RUNDC3B: variants seen among roughly 807,000 people sequenced by gnomAD.
RUNDC3B encodes the protein RUN domain containing 3B.
Under a neutral mutation model 58.4 loss-of-function variants are expected in RUNDC3B, and 33 were observed. The ratio of observed to expected loss-of-function variants is 0.56; its 90% CI spans 0.43 to 0.75. The LOEUF (loss-of-function observed/expected upper bound fraction) is 0.75. Among genes scored for constraint, RUNDC3B ranks in the 30% least tolerant of loss-of-function variants. RUNDC3B has a pLI of 0.00. For missense variants in RUNDC3B, 501 were observed against 535.7 expected (o/e 0.94, Z 0.64); for synonymous variants, 193 against 195.2 (o/e 0.99, Z 0.10).
Position 87,628,890 on chromosome 7 carries a change from A to G in RUNDC3B, c.67A>G (p.Ser23Gly). 54 of 1,302,218 alleles carry G rather than the reference A, an allele frequency of 4.1e-5. No individual in the cohort carries two copies. Among genetic ancestry groups the G allele is most frequent in the Non-Finnish European group, 5.2e-5 (53 of 1,017,874 alleles). 80.7% of individuals were successfully genotyped at this position (1,302,218 alleles called of 1,614,324 possible). ...CGGTGGCGGCGGAGGCGGCAAGAAA[A>G]GCCTGAGCGCCCGCAATGCTGCGGT... The part of the protein sequence containing the change: ...RGGGGGGGKK[S>G]LSARNAAVER... Residue 23 changes from serine (S) to glycine (G), a missense_variant, in exon 1 of 11, where the codon AGC becomes GGC. Ser to Gly is a moderately conservative substitution (Grantham distance 56). Transcript: ENST00000394654.
chr7:87,761,477 C>G (rs1164273119), intron 6 of RUNDC3B, among the ~76,000 whole-genome samples: 2 of 151,910 alleles, frequency 1.3e-5, no homozygotes, highest in African/African-American at 2.4e-5. Context: ...TATCAATTCT[C>G]TTTCCACCCA....
intron 2 of RUNDC3B, among the ~76,000 whole-genome samples, chr7:87,678,568 C>A (rs901265032): frequency 6.6e-6 from 1 of 151,916 alleles, no homozygotes; most frequent in African/African-American, 2.4e-5. Flanking sequence ...AGAAAACAAA[C>A]AATAAAATGG....
chr7:87,756,830 A>G (rs1833401753), intron 6 of RUNDC3B, among the ~76,000 whole-genome samples: 1 of 152,048 alleles, frequency 6.6e-6, no homozygotes, highest in Admixed American at 6.6e-5. Context: ...AATATGTTAT[A>G]TATGTTATGT....
intron 8 of RUNDC3B, among the ~76,000 whole-genome samples, chr7:87,804,791 C>A (rs934729477): frequency 6.6e-6 from 1 of 152,044 alleles, no homozygotes; most frequent in Non-Finnish European, 1.5e-5. Context: ...ATATTTTAAC[C>A]TTTATCACTG....
intron 6 of RUNDC3B, among the ~76,000 whole-genome samples, chr7:87,745,835 C>T (rs1832610562): frequency 6.6e-6 from 1 of 151,876 alleles, no homozygotes; most frequent in Admixed American, 6.6e-5. Context: ...TTTCTTTCTT[C>T]TGCTAGGTCT....
chr7:87,784,836 G>A (rs1471050854), intron 8 of RUNDC3B, among the ~76,000 whole-genome samples: 1 of 151,966 alleles, frequency 6.6e-6, no homozygotes, highest in Non-Finnish European at 1.5e-5. Context: ...TATCATGGAT[G>A]TCCTGCCTAT....
intron 1 of RUNDC3B, among the ~76,000 whole-genome samples, chr7:87,643,242 A>G (rs1205445091): frequency 6.6e-6 from 1 of 152,086 alleles, no homozygotes; most frequent in Non-Finnish European, 1.5e-5. Flanking sequence ...TGATTTTTAC[A>G]TTGCGTAAAA....
intron 4 of RUNDC3B, among the ~76,000 whole-genome samples, chr7:87,720,522 T>C (rs1218952158): frequency 6.7e-6 from 1 of 149,274 alleles, no homozygotes; most frequent in South Asian, 2.2e-4. Context: ...TATCACAAAT[T>C]TAAGCAGAAG....
intron 2 of RUNDC3B, among the ~76,000 whole-genome samples, chr7:87,696,131 G>GAAT (rs1449994674): frequency 6.6e-6 from 1 of 152,082 alleles, no homozygotes; most frequent in Non-Finnish European, 1.5e-5. Flanking sequence ...ACTTATAATT[G>GAAT]AAAGCATATT....
At chr7:87,642,894 C>T (rs1822593603) in intron 1 of RUNDC3B, among the ~76,000 whole-genome samples, 1 of 152,096 alleles carries the variant, frequency 6.6e-6, no homozygotes, top group African/African-American at 2.4e-5. Flanking sequence ...TTTAAATACA[C>T]ATCTGTCTCT....
chr7:87,685,552 A>G (rs1201595969), intron 2 of RUNDC3B, among the ~76,000 whole-genome samples: 4 of 152,208 alleles, frequency 2.6e-5, no homozygotes, highest in African/African-American at 7.2e-5. Context: ...AATGTCAGAT[A>G]CATTATGGCT....
intron 4 of RUNDC3B, among the ~76,000 whole-genome samples, chr7:87,726,129 C>T (rs1189063396): frequency 1.9e-4 from 29 of 152,272 alleles, no homozygotes; most frequent in Non-Finnish European, 5.9e-5. Context: ...GCTTTTGTTG[C>T]CATTGCTTTT....
intron 8 of RUNDC3B, among the ~76,000 whole-genome samples, chr7:87,805,364 G>T (rs1267513572): frequency 6.6e-6 from 1 of 152,194 alleles, no homozygotes; most frequent in Non-Finnish European, 1.5e-5. Context: ...GGCAGAGCAA[G>T]TGCCAGGATT....
intron 1 of RUNDC3B, among the ~76,000 whole-genome samples, chr7:87,633,682 A>T (rs560738953): frequency 2.7e-4 from 41 of 150,340 alleles, no homozygotes; most frequent in South Asian, 1.5e-3. Context: ...TTTTTTTTTT[A>T]AAAAGCACCC....
intron 9 of RUNDC3B, among the ~76,000 whole-genome samples, chr7:87,808,842 T>C (rs964870578): frequency 1.3e-5 from 2 of 152,156 alleles, no homozygotes; most frequent in African/African-American, 4.8e-5. Context: ...AAATTAAATT[T>C]GTTGCAATAC....
At chr7:87,825,666 T>C (rs893633087) in intron 10 of RUNDC3B, among the ~76,000 whole-genome samples, 25 of 151,952 alleles carry the variant, frequency 1.6e-4, no homozygotes, top group African/African-American at 6.1e-4. Context: ...CCACAGACAC[T>C]TAGCACCAGC....
chr7:87,769,580 AT>A lies in RUNDC3B; in HGVS notation c.630-998del, dbSNP rs1834159753. 2.6e-5 allele frequency among the ~76,000 whole-genome samples: 4 copies of A among 152,030 alleles called. 1 individual carries two copies. In the South Asian group the frequency reaches 8.3e-4, roughly 31 times the overall value. ...CTTATTTTTTAATATAATTGCTCAT[AT>A]TTAAAATTTTATTTTTCCATGTTTA... On this transcript the variant is annotated intron_variant, in intron 6 of 10. Transcript: ENST00000394654.
At chr7:87,723,510 A>ATT (rs1831027195) in intron 4 of RUNDC3B, among the ~76,000 whole-genome samples, 1 of 152,208 alleles carries the variant, frequency 6.6e-6, no homozygotes, top group South Asian at 2.1e-4. Context: ...AAATGTTCAC[A>ATT]GCCTACAGAA....
At chr7:87,702,907 A>C (rs1829219614) in intron 3 of RUNDC3B, among the ~76,000 whole-genome samples, 1 of 152,198 alleles carries the variant, frequency 6.6e-6, no homozygotes, top group Non-Finnish European at 1.5e-5. Context: ...AGGTATACTC[A>C]ACAGAAGGTT....
Sources: allele counts gnomAD v4.1 joint callset (sites outside exome capture counted in the v4.1 genomes callset), GRCh38; gene constraint gnomAD v4.1.1; transcripts MANE v1.5; gene names NCBI Gene and HGNC (gene_info 2026-07-23, HGNC 2026-07-21).